ERC2: variants seen among roughly 807,000 people sequenced by gnomAD.
ERC2 encodes ERC protein 2.
Under a neutral mutation model 114.8 loss-of-function variants are expected in ERC2, and 42 were observed. That is an observed-to-expected ratio of 0.37 (90% CI 0.29 to 0.47). The LOEUF is 0.47. Among genes scored for constraint, ERC2 ranks in the 20% least tolerant of loss-of-function variants. The probability of loss-of-function intolerance (pLI) is 0.99; values close to 1 mark genes in which losing one functional copy is unlikely to be tolerated. For synonymous variants in ERC2, 454 were observed against 425.5 expected, an observed-to-expected ratio of 1.07 and a Z score of -0.82; for missense variants, 939 against 1,150.7, an observed-to-expected ratio of 0.82 and a Z score of 2.66.
intron 17 of ERC2, chr3:55,646,954 T>C (rs2060422654): frequency 6.6e-6 from 1 of 152,134 alleles, no homozygotes; most frequent in Non-Finnish European, 1.5e-5. Context: ...ATGCTCCCTT[T>C]TTCCATCCAA....
intron 6 of ERC2, among the ~76,000 whole-genome samples, chr3:56,125,299 G>A (rs1396384750): frequency 6.6e-6 from 1 of 152,100 alleles, no homozygotes; most frequent in Non-Finnish European, 1.5e-5. Flanking sequence ...AAGATTCACG[G>A]AAGACTCCAA....
intron 14 of ERC2, among the ~76,000 whole-genome samples, chr3:55,768,344 C>T (rs545771093): frequency 1.1e-4 from 16 of 152,308 alleles, no homozygotes; most frequent in East Asian, 5.8e-4. Flanking sequence ...TCACATCCAT[C>T]GCTCATTCTT....
intron 2 of ERC2, among the ~76,000 whole-genome samples, chr3:56,326,877 G>T (rs555827997): frequency 2.5e-3 from 380 of 152,246 alleles, no homozygotes; most frequent in Non-Finnish European, 4.2e-3. Context: ...TCTTCTCAAG[G>T]GTCCCATGCC....
chr3:56,343,788 T>A (rs1317663054), intron 2 of ERC2, among the ~76,000 whole-genome samples: 1 of 152,188 alleles, frequency 6.6e-6, no homozygotes, highest in Non-Finnish European at 1.5e-5. Context: ...CTTGTCTAAA[T>A]TAAATTACCA....
intron 3 of ERC2, among the ~76,000 whole-genome samples, chr3:56,254,684 T>C (rs951526856): frequency 2.0e-5 from 3 of 152,192 alleles, no homozygotes; most frequent in Admixed American, 6.5e-5. Flanking sequence ...AATCAGTAAC[T>C]CCAGCCTCAT....
chr3:56,222,823 C>T (rs547861274), intron 3 of ERC2, among the ~76,000 whole-genome samples: 1 of 152,310 alleles, frequency 6.6e-6, no homozygotes, highest in East Asian at 1.9e-4. Flanking sequence ...CATACAAAAG[C>T]CTCCTGGCCA....
intron 12 of ERC2, chr3:55,955,177 G>A (rs1318069914): frequency 1.9e-6 from 1 of 515,704 alleles, no homozygotes; most frequent in East Asian, 5.5e-5. Context: ...TAAAAACAGT[G>A]GTCATGACTG....
intron 13 of ERC2, among the ~76,000 whole-genome samples, chr3:55,939,742 A>C (rs1576287028): frequency 6.6e-6 from 1 of 152,348 alleles, no homozygotes; most frequent in East Asian, 1.9e-4. Context: ...GGCTTATTAA[A>C]ACAATAATCT....
At chr3:55,583,251 A>G (rs966215797) in intron 17 of ERC2, among the ~76,000 whole-genome samples, 3 of 152,174 alleles carry the variant, frequency 2.0e-5, no homozygotes, top group African/African-American at 7.2e-5. Flanking sequence ...GGTTCTGTGC[A>G]TTAGTGAATA....
chr3:56,275,631 G>C (rs995996631), intron 3 of ERC2, among the ~76,000 whole-genome samples: 5 of 152,202 alleles, frequency 3.3e-5, no homozygotes, highest in Admixed American at 1.3e-4. Flanking sequence ...CAGGTCTCTT[G>C]AAGATCTTGT....
At chr3:56,292,836 T>C (rs981750769) in intron 3 of ERC2, among the ~76,000 whole-genome samples, 3 of 152,158 alleles carry the variant, frequency 2.0e-5, no homozygotes, top group African/African-American at 7.2e-5. Flanking sequence ...CTTTTGGTTA[T>C]GCAGGTCTCA....
intron 17 of ERC2, among the ~76,000 whole-genome samples, chr3:55,557,722 T>C (rs1039060179): frequency 7.2e-5 from 11 of 152,248 alleles, no homozygotes; most frequent in African/African-American, 2.7e-4. Flanking sequence ...CCTGCCAACC[T>C]CTTCTCACTC....
chr3:55,510,914 T>C lies in ERC2; in HGVS notation c.*402A>G, dbSNP rs1445903479. On this transcript the variant is annotated 3_prime_UTR_variant, in exon 18 of 18. Transcript: ENST00000288221. Reference sequence around the variant, plus strand: ...AGCTGAATCCACAGATAAAATCCCATGGAGTTCAAATTTATCCAATGATGT... The same window carrying C: ...AGCTGAATCCACAGATAAAATCCCACGGAGTTCAAATTTATCCAATGATGT... The C allele has an allele frequency of 6.6e-6, 1 of 152,190 alleles. No individual in the cohort carries two copies. Among genetic ancestry groups the C allele is most frequent in the African/African-American group, 2.4e-5 (1 of 41,444 alleles). 9.4% of individuals were successfully genotyped at this position (152,190 alleles called of 1,614,324 possible).
intron 16 of ERC2, among the ~76,000 whole-genome samples, chr3:55,688,703 C>T (rs2062467093): frequency 6.6e-6 from 1 of 152,108 alleles, no homozygotes; most frequent in Non-Finnish European, 1.5e-5. Flanking sequence ...TCAGCAGCAC[C>T]CCAACACATT....
At chr3:55,980,993 A>T (rs1197354342) in intron 12 of ERC2, among the ~76,000 whole-genome samples, 2 of 152,252 alleles carry the variant, frequency 1.3e-5, no homozygotes, top group African/African-American at 2.4e-5. Flanking sequence ...AGCTAAAGAG[A>T]AAAACAACAT....
intron 17 of ERC2, among the ~76,000 whole-genome samples, chr3:55,566,413 A>ATTTATTTATTTAT (rs1257741338): frequency 5.9e-5 from 9 of 151,266 alleles, no homozygotes; most frequent in Non-Finnish European, 1.0e-4. Flanking sequence ...AATTCTATTT[A>ATTTATTTATTTAT]TTTATTTATT....
At chr3:55,573,279 TA>T (rs1210078520) in intron 17 of ERC2, among the ~76,000 whole-genome samples, 39 of 152,192 alleles carry the variant, frequency 2.6e-4, no homozygotes, top group Non-Finnish European at 2.9e-4. Context: ...GTAAAATGGG[TA>T]TGGATAATAG....
In ERC2 at chr3:56,069,164, G is replaced by A. The variant is rs1055814336; in HGVS notation, c.1641+11653C>T. 1.3e-5 allele frequency among the ~76,000 whole-genome samples: 2 copies of A among 152,174 alleles called. 1 individual carries two copies. The highest frequency in any genetic ancestry group is 1.3e-4 in the Admixed American group (2 of 15,278). The stretch of plus-strand genomic sequence containing the variant: ...TGTTAAGGTCTCCCACTATTATTGT[G>A]TGGGAAGACTGCCATTATTTCTATG... On this transcript the variant is annotated intron_variant, in intron 7 of 17. Transcript: ENST00000288221.
intron 6 of ERC2, among the ~76,000 whole-genome samples, chr3:56,088,799 TATTAA>T (rs1240387554): frequency 2.6e-5 from 4 of 152,188 alleles, no homozygotes; most frequent in African/African-American, 4.8e-5. Flanking sequence ...TTATTTTGAG[TATTAA>T]ATTAAATAAC....
Sources: gnomAD v4.1 joint callset for allele counts (sites outside exome capture counted in the v4.1 genomes callset) on GRCh38, gnomAD v4.1.1 for gene constraint, MANE v1.5 for transcripts, NCBI Gene and HGNC (gene_info 2026-07-23, HGNC 2026-07-21) for gene names.